The following FAT3 variants were observed in gnomAD, a reference collection of about 807,000 sequenced individuals.
The protein encoded by FAT3 is FAT atypical cadherin 3, also known as protocadherin Fat 3.
A neutral mutation model predicts 310.2 loss-of-function variants in FAT3; 95 were observed. The ratio of observed to expected loss-of-function variants is 0.31; its 90% CI spans 0.26 to 0.36. The LOEUF is 0.36. FAT3 is among the 10% of genes least tolerant of loss of function. The probability of loss-of-function intolerance (pLI) is 1.00; values close to 1 mark genes in which losing one functional copy is unlikely to be tolerated. For synonymous variants in FAT3, 2,314 were observed against 2,192.9 expected, an observed-to-expected ratio of 1.06 and a Z score of -1.54; for missense variants, 5,408 against 5,715.6, an observed-to-expected ratio of 0.95 and a Z score of 1.74.
chr11:92,576,593 A>G (rs1938497505), intron 3 of FAT3, among the ~76,000 whole-genome samples: 1 of 152,120 alleles, frequency 6.6e-6, no homozygotes, highest in South Asian at 2.1e-4. Context: ...GATTTGGGCA[A>G]AGCACACTGT....
At chr11:92,423,798 C>T (rs1449905986) in intron 2 of FAT3, among the ~76,000 whole-genome samples, 1 of 152,168 alleles carries the variant, frequency 6.6e-6, no homozygotes, top group Admixed American at 6.5e-5. Context: ...TTGAGGATTC[C>T]TTCTTCTTTG....
At chr11:92,781,511 G>C (rs560146219) in intron 7 of FAT3, among the ~76,000 whole-genome samples, 3 of 152,224 alleles carry the variant, frequency 2.0e-5, no homozygotes, top group African/African-American at 7.2e-5. Flanking sequence ...ATATAAACCT[G>C]CTTCTTCTCA....
At chr11:92,518,739 A>C (rs968697382) in intron 2 of FAT3, among the ~76,000 whole-genome samples, 4 of 152,296 alleles carry the variant, frequency 2.6e-5, no homozygotes, top group Admixed American at 1.3e-4. Flanking sequence ...ACAAAAATCA[A>C]CAGTAACTTA....
intron 1 of FAT3, among the ~76,000 whole-genome samples, chr11:92,230,749 C>T (rs1864145150): frequency 6.6e-6 from 1 of 152,154 alleles, no homozygotes; most frequent in Non-Finnish European, 1.5e-5. Flanking sequence ...TGAGAGATGC[C>T]TGTGTGTGTA....
At chr11:92,648,137 C>T (rs1040778233) in intron 3 of FAT3, among the ~76,000 whole-genome samples, 1 of 152,126 alleles carries the variant, frequency 6.6e-6, no homozygotes, top group African/African-American at 2.4e-5. Flanking sequence ...ATGCTCTATT[C>T]CTATGACAGT....
At chr11:92,294,384 C>A (rs1453511700) in intron 1 of FAT3, among the ~76,000 whole-genome samples, 1 of 151,998 alleles carries the variant, frequency 6.6e-6, no homozygotes, top group Non-Finnish European at 1.5e-5. Context: ...GGGACACACA[C>A]ATTCAGTCCA....
intron 3 of FAT3, among the ~76,000 whole-genome samples, chr11:92,684,277 A>G (rs1943567902): frequency 6.6e-6 from 1 of 152,210 alleles, no homozygotes; most frequent in African/African-American, 2.4e-5. Context: ...CTGAAAATGT[A>G]GAAGAAACAT....
chr11:92,697,349 A>G (rs1392008073), intron 3 of FAT3, 35 bp from the exon 4 acceptor site: 3 of 1,605,488 alleles, frequency 1.9e-6, no homozygotes, highest in Non-Finnish European at 2.6e-6. Context: ...TTTGCCCCAG[A>G]TATTTAAAAG....
At chr11:92,753,285 A>G (rs1591685764) in intron 4 of FAT3, among the ~76,000 whole-genome samples, 1 of 152,112 alleles carries the variant, frequency 6.6e-6, no homozygotes, top group Non-Finnish European at 1.5e-5. Context: ...GATGACTACA[A>G]CCCCAGCTAC....
intron 2 of FAT3, among the ~76,000 whole-genome samples, chr11:92,369,478 G>C (rs894057919): frequency 1.3e-5 from 2 of 152,148 alleles, no homozygotes; most frequent in African/African-American, 4.8e-5. Context: ...GACCAAGTTT[G>C]TATGTGAGTG....
intron 1 of FAT3, among the ~76,000 whole-genome samples, chr11:92,263,406 A>T (rs1206906062): frequency 6.6e-6 from 1 of 151,958 alleles, no homozygotes; most frequent in African/African-American, 2.4e-5. Flanking sequence ...TAGAAAATTG[A>T]TTTCTTGAAA....
chr11:92,391,107 A>T (rs1949738571), intron 2 of FAT3, among the ~76,000 whole-genome samples: 1 of 152,194 alleles, frequency 6.6e-6, no homozygotes, highest in South Asian at 2.1e-4. Flanking sequence ...CAAGTAGCCT[A>T]AGGCTGTGTA....
chr11:92,633,601 G>T (rs991648257), intron 3 of FAT3, among the ~76,000 whole-genome samples: 13 of 152,084 alleles, frequency 8.5e-5, no homozygotes, highest in African/African-American at 3.1e-4. Context: ...TTAGCATATG[G>T]ATGACAAACA....
intron 2 of FAT3, among the ~76,000 whole-genome samples, chr11:92,507,860 G>A (rs1298097952): frequency 6.7e-6 from 1 of 149,822 alleles, no homozygotes; most frequent in Non-Finnish European, 1.5e-5. Context: ...GTGTTTGCAT[G>A]TGCGTGTATA....
rs114078262 is a variant in FAT3 at position 92,459,281 on chromosome 11, G to T, written c.3293-65353G>T. ...GGAATCCATTTCAGACATTTAGAGG[G>T]CTTGATGCATCCTCTTACCTGCGGG... On this transcript the variant is annotated intron_variant, in intron 2 of 27. Coordinates refer to ENST00000525166, the MANE Select transcript of FAT3 (RefSeq NM_001367949.2). Among the ~76,000 whole-genome samples, 1,045 of 152,252 alleles carry T rather than the reference G, an allele frequency of 6.9e-3. 18 individuals are homozygous for T. Among genetic ancestry groups the T allele is most frequent in the African/African-American group, 0.023 (974 of 41,560 alleles).
At chr11:92,426,293 T>C (rs898652391) in intron 2 of FAT3, among the ~76,000 whole-genome samples, 1 of 152,194 alleles carries the variant, frequency 6.6e-6, no homozygotes, top group African/African-American at 2.4e-5. Context: ...CTTTGTCAGA[T>C]GGATAGATTG....
chr11:92,637,661 A>AC (rs1941815735), intron 3 of FAT3, among the ~76,000 whole-genome samples: 2 of 152,206 alleles, frequency 1.3e-5, no homozygotes, highest in Non-Finnish European at 2.9e-5. Context: ...TAAGAACTAT[A>AC]GTAACTTCAT....
At chr11:92,765,752 C>T (rs369980620) in intron 6 of FAT3, among the ~76,000 whole-genome samples, 1 of 147,888 alleles carries the variant, frequency 6.8e-6, no homozygotes, top group African/African-American at 2.5e-5. Flanking sequence ...CCAATGACTT[C>T]TTTGTTTGAG....
intron 3 of FAT3, among the ~76,000 whole-genome samples, chr11:92,645,921 A>AT (rs1386965461): frequency 6.6e-6 from 1 of 152,190 alleles, no homozygotes; most frequent in Non-Finnish European, 1.5e-5. Flanking sequence ...GAATGGGTAA[A>AT]TGAAGTAAAA....
Sources: allele counts gnomAD v4.1 joint callset (sites outside exome capture counted in the v4.1 genomes callset), GRCh38; gene constraint gnomAD v4.1.1; transcripts MANE v1.5; gene names NCBI Gene and HGNC (gene_info 2026-07-23, HGNC 2026-07-21).